TAX1BP1: variants seen among roughly 807,000 people sequenced by gnomAD.
TAX1BP1 encodes the protein Tax1 binding protein 1, also known as tax1-binding protein 1.
A neutral mutation model predicts 97.7 loss-of-function variants in TAX1BP1; 62 were observed. The observed-to-expected ratio is 0.63, with a 90% CI of 0.52 to 0.78. The LOEUF is 0.78. Ranked by LOEUF, TAX1BP1 falls within the 30% of genes least tolerant of loss-of-function variation. TAX1BP1 has a pLI of 0.00. For synonymous variants in TAX1BP1, 340 were observed against 304.2 expected, an observed-to-expected ratio of 1.12 and a Z score of -1.23; for missense variants, 867 against 916.1, an observed-to-expected ratio of 0.95 and a Z score of 0.69.
chr7:27,773,169 A>G (rs1397132072), intron 5 of TAX1BP1, among the ~76,000 whole-genome samples: 2 of 152,096 alleles, frequency 1.3e-5, no homozygotes, highest in Non-Finnish European at 2.9e-5. Flanking sequence ...CCGTGATTGC[A>G]CAGTTAGTAA....
intron 13 of TAX1BP1, among the ~76,000 whole-genome samples, chr7:27,810,353 C>G (rs1347314133): frequency 6.6e-6 from 1 of 151,948 alleles, no homozygotes; most frequent in Non-Finnish European, 1.5e-5. Context: ...CTTTTGAATG[C>G]CTTTCTTGTT....
chr7:27,764,546 G>T (rs553174880), intron 3 of TAX1BP1, among the ~76,000 whole-genome samples: 5 of 152,228 alleles, frequency 3.3e-5, no homozygotes, highest in Admixed American at 6.5e-5. Context: ...TTAAGATTGT[G>T]TCTTCTGGAT....
At chr7:27,783,700 G>A (rs1202270365) in intron 5 of TAX1BP1, among the ~76,000 whole-genome samples, 1 of 152,110 alleles carries the variant, frequency 6.6e-6, no homozygotes, top group African/African-American at 2.4e-5. Flanking sequence ...TTGTCCTAGG[G>A]AGAAATACTT....
chr7:27,819,579 G>T (rs1790898783), intron 15 of TAX1BP1, among the ~76,000 whole-genome samples: 2 of 152,148 alleles, frequency 1.3e-5, no homozygotes, highest in Non-Finnish European at 2.9e-5. Flanking sequence ...CGTGGTATAT[G>T]ACAAATGCAG....
rs145165989 is a variant in TAX1BP1, at chr7:27,768,820, A to C, written c.454-856A>C. On this transcript the variant is annotated intron_variant, in intron 4 of 16. Coordinates refer to ENST00000396319, the MANE Select transcript of TAX1BP1 (RefSeq NM_006024.7). ...ATTCAACTTTGATAAGAGCCATTTT[A>C]GAATTTAATCAGTTTGATTTCATAA... 2.2e-3 allele frequency among the ~76,000 whole-genome samples: 337 copies of C among 152,130 alleles called. 2 individuals carry two copies. Among genetic ancestry groups the C allele is most frequent in the African/African-American group, 7.7e-3 (320 of 41,564 alleles).
chr7:27,795,036 G>A (rs1368700417), intron 11 of TAX1BP1, among the ~76,000 whole-genome samples: 1 of 152,054 alleles, frequency 6.6e-6, no homozygotes, highest in African/African-American at 2.4e-5. Flanking sequence ...GATTAACTAG[G>A]TTTTCATCTG....
At chr7:27,810,956 TAC>T (rs1274939160) in intron 13 of TAX1BP1, among the ~76,000 whole-genome samples, 12 of 152,148 alleles carry the variant, frequency 7.9e-5, no homozygotes. Flanking sequence ...CTTCCTAGTA[TAC>T]AGTGTTTCCA....
In TAX1BP1 at chr7:27,827,746, G is replaced by T. The variant is rs1180433546; in HGVS notation, c.2094G>T (p.Glu698Asp). The T allele has an allele frequency of 1.9e-6, 3 of 1,613,226 alleles. No homozygotes were observed. The highest frequency in any genetic ancestry group is 1.1e-5 in the South Asian group (1 of 90,864). The change falls in exon 16 of 17, where the codon GAG becomes GAT. Residue 698 changes from glutamate to aspartate, a missense_variant. By Grantham distance (45) the Glu-to-Asp change is conservative (BLOSUM62 2). This residue lies in a region of TAX1BP1 where 822 missense variants were observed against 851.4 expected (regional missense o/e 0.97). Coordinates refer to ENST00000396319, the MANE Select transcript of TAX1BP1 (RefSeq NM_006024.7). ...LEDSEDSKED[E>D]NVPTAPDPPS... is the part of the protein sequence containing the mutation. ...AATTATTTTTCCCCTAGGAAGATGA[G>T]AATGTGCCTACTGCTCCTGATCCTC...
chr7:27,743,623 A>G (rs1787701385), intron 1 of TAX1BP1, among the ~76,000 whole-genome samples: 1 of 152,232 alleles, frequency 6.6e-6, no homozygotes, highest in Non-Finnish European at 1.5e-5. Context: ...TCAAACATAC[A>G]CAAAGGAGAA....
intron 2 of TAX1BP1, among the ~76,000 whole-genome samples, chr7:27,753,510 C>A (rs1321859698): frequency 6.6e-6 from 1 of 152,150 alleles, no homozygotes; most frequent in East Asian, 1.9e-4. Context: ...AATTACCTTA[C>A]AGTTAAAGAT....
chr7:27,743,378 T>A (rs1461227318), intron 1 of TAX1BP1, among the ~76,000 whole-genome samples: 4 of 152,236 alleles, frequency 2.6e-5, no homozygotes, highest in Admixed American at 6.5e-5. Flanking sequence ...TTTCCTTTCA[T>A]ATGTTTGTGT....
intron 1 of TAX1BP1, among the ~76,000 whole-genome samples, chr7:27,745,649 A>T (rs1482624164): frequency 6.6e-6 from 1 of 152,174 alleles, no homozygotes; most frequent in Non-Finnish European, 1.5e-5. Context: ...AAATTATTTT[A>T]CTTTTCAGAC....
chr7:27,758,336 TG>T (rs1788303670), intron 3 of TAX1BP1: 1 of 368,328 alleles, frequency 2.7e-6, no homozygotes, highest in Admixed American at 4.4e-5. Context: ...TAAAAGTTAT[TG>T]GTTGTTGTCT....
intron 1 of TAX1BP1, among the ~76,000 whole-genome samples, chr7:27,747,925 G>T (rs550279181): frequency 6.8e-4 from 103 of 151,962 alleles, no homozygotes; most frequent in African/African-American, 2.4e-3. Context: ...GAGAAATGCT[G>T]GTCCAGGGGA....
At chr7:27,766,846 TC>T (rs1364556579) in intron 4 of TAX1BP1, among the ~76,000 whole-genome samples, 2 of 152,162 alleles carry the variant, frequency 1.3e-5, no homozygotes, top group Non-Finnish European at 2.9e-5. Flanking sequence ...AGCTTCCCAG[TC>T]TCTTAATTTA....
intron 3 of TAX1BP1, among the ~76,000 whole-genome samples, chr7:27,764,512 G>T (rs1489286330): frequency 6.6e-6 from 1 of 152,148 alleles, no homozygotes; most frequent in African/African-American, 2.4e-5. Flanking sequence ...CTTATTACTG[G>T]TTATAATAAT....
At position 27,797,990 on chromosome 7, in the gene TAX1BP1, A is replaced by G. The variant is rs187060672; in HGVS notation, c.1638+1771A>G. 5.9e-5 allele frequency among the ~76,000 whole-genome samples: 9 copies of G among 152,186 alleles called. No homozygotes were observed. The East Asian group carries it at 1.2e-3, about 20-fold the overall frequency. The stretch of plus-strand genomic sequence containing the variant: ...CCATCACTCTCCCAGTTTTTTTGGT[A>G]CCTGTTTGCAACACATCCCTTTCGT... On this transcript the variant is annotated intron_variant, in intron 12 of 16. Coordinates refer to ENST00000396319, the MANE Select transcript of TAX1BP1 (RefSeq NM_006024.7).
chr7:27,794,384 C>T lies in TAX1BP1; in HGVS notation c.1472C>T (p.Ser491Leu). Reference sequence around the variant, plus strand: ...AATCAGCAGAAAGTGAATGATGCTTCAGTAAACACAGACCCAGCCACTTCT... The same window carrying T: ...AATCAGCAGAAAGTGAATGATGCTTTAGTAAACACAGACCCAGCCACTTCT... The part of the protein sequence containing the change: ...TGNQQKVNDA[S>L]VNTDPATSAS... The change falls in exon 11 of 17, where the codon TCA becomes TTA. Residue 491 changes from serine (S) to leucine (L), a missense_variant. Ser to Leu is a moderately radical substitution (Grantham distance 145). This residue lies in a region of TAX1BP1 where 822 missense variants were observed against 851.4 expected (regional missense o/e 0.97). Transcript: ENST00000396319. 1 of 1,613,414 alleles carries T rather than the reference C, an allele frequency of 6.2e-7. No homozygotes were observed. The highest frequency in any genetic ancestry group is 1.1e-5 in the South Asian group (1 of 90,934).
intron 15 of TAX1BP1, among the ~76,000 whole-genome samples, chr7:27,818,731 C>T (rs999695212): frequency 6.6e-6 from 1 of 152,154 alleles, no homozygotes; most frequent in African/African-American, 2.4e-5. Context: ...TTCTATACCC[C>T]TCTTTGCCAT....
Sources: allele counts gnomAD v4.1 joint callset (sites outside exome capture counted in the v4.1 genomes callset), GRCh38; gene constraint gnomAD v4.1.1; regional missense constraint gnomAD v4.1.1; transcripts MANE v1.5; gene names NCBI Gene and HGNC (gene_info 2026-07-23, HGNC 2026-07-21).